MORC1: variants seen among roughly 807,000 people sequenced by gnomAD.
MORC1 encodes MORC family CW-type zinc finger 1.
Under a neutral mutation model 134.9 loss-of-function variants are expected in MORC1, and 59 were observed. That is an observed-to-expected ratio of 0.44 (90% CI 0.35 to 0.54). MORC1 has a LOEUF of 0.54. Ranked by LOEUF, MORC1 falls within the 20% of genes least tolerant of loss-of-function variation. The pLI, the probability that MORC1 is intolerant of heterozygous loss-of-function variation, is 0.00. For missense variants in MORC1, 947 were observed against 1,134.5 expected (o/e 0.83, Z 2.37); for synonymous variants, 395 against 391.7 (o/e 1.01, Z -0.10).
intron 24 of MORC1, 101 bp downstream of exon 24, chr3:108,979,414 T>A: frequency 8.0e-7 from 1 of 1,242,894 alleles, no homozygotes. Context: ...TCTACTGAAT[T>A]TATTCAGTAT....
At chr3:109,116,198 CG>C (rs1298916566) in intron 1 of MORC1, among the ~76,000 whole-genome samples, 5 of 151,958 alleles carry the variant, frequency 3.3e-5, no homozygotes, top group Non-Finnish European at 7.4e-5. Context: ...AGAAAAGGGG[CG>C]TAAGTTGGTT....
chr3:109,047,999 A>G (rs1949735097), intron 14 of MORC1, among the ~76,000 whole-genome samples: 1 of 152,210 alleles, frequency 6.6e-6, no homozygotes, highest in Non-Finnish European at 1.5e-5. Flanking sequence ...ATCTTGACAA[A>G]AAGCCACATC....
intron 2 of MORC1, among the ~76,000 whole-genome samples, chr3:109,111,895 CCT>C (rs1951175401): frequency 1.3e-5 from 2 of 152,176 alleles, no homozygotes; most frequent in African/African-American, 4.8e-5. Flanking sequence ...CTCAGCCCTC[CCT>C]ATATAGACAC....
intron 9 of MORC1, among the ~76,000 whole-genome samples, chr3:109,067,933 T>C (rs1950235446): frequency 6.6e-6 from 1 of 152,114 alleles, no homozygotes; most frequent in African/African-American, 2.4e-5. Context: ...TAAGACAAGA[T>C]GACAAATGCA....
intron 17 of MORC1, among the ~76,000 whole-genome samples, chr3:109,015,195 G>A (rs1378558392): frequency 6.6e-6 from 1 of 152,004 alleles, no homozygotes; most frequent in Non-Finnish European, 1.5e-5. Flanking sequence ...CAAATGAAAC[G>A]TTTTAAGGTA....
intron 21 of MORC1, among the ~76,000 whole-genome samples, chr3:108,991,543 A>G (rs1385944143): frequency 1.3e-5 from 2 of 152,156 alleles, no homozygotes; most frequent in African/African-American, 4.8e-5. Context: ...ATAGCCTTCT[A>G]TGTCTCAACT....
At chr3:109,031,939 G>T (rs1026464616) in intron 16 of MORC1, among the ~76,000 whole-genome samples, 3 of 152,126 alleles carry the variant, frequency 2.0e-5, no homozygotes, top group African/African-American at 7.2e-5. Flanking sequence ...TTTTTCTTCA[G>T]TCTCTAAATA....
At chr3:109,077,053 A>G (rs1950437611) in intron 8 of MORC1, among the ~76,000 whole-genome samples, 1 of 152,272 alleles carries the variant, frequency 6.6e-6, no homozygotes. Context: ...TAATTTGGTA[A>G]TCACATTTCT....
chr3:109,004,748 TTAAAGA>T, intron 20 of MORC1, 63 bp downstream of exon 20: 1 of 1,436,806 alleles, frequency 7.0e-7, no homozygotes, highest in Non-Finnish European at 9.6e-7. Context: ...AATGCAAAAC[TTAAAGA>T]TTAAAGGTTT....
At chr3:109,117,331 C>CAAA (rs202128565) in intron 1 of MORC1, among the ~76,000 whole-genome samples, 11 of 113,644 alleles carry the variant, frequency 9.7e-5, no homozygotes, top group African/African-American at 3.4e-4. Context: ...CAAAAGATGT[C>CAAA]AAAAAAAAAA....
intron 24 of MORC1, among the ~76,000 whole-genome samples, chr3:108,973,891 C>A (rs1365687124): frequency 6.6e-6 from 1 of 152,208 alleles, no homozygotes; most frequent in East Asian, 1.9e-4. Context: ...CCACCGCACC[C>A]GGCCAATCCA....
chr3:109,034,606 T>C (rs1448752669), intron 15 of MORC1, among the ~76,000 whole-genome samples: 1 of 152,194 alleles, frequency 6.6e-6, no homozygotes, highest in Non-Finnish European at 1.5e-5. Flanking sequence ...ATTCCTACTA[T>C]GTATTAAATA....
intron 26 of MORC1, among the ~76,000 whole-genome samples, chr3:108,967,492 G>A (rs575313109): frequency 1.3e-5 from 2 of 152,208 alleles, no homozygotes; most frequent in South Asian, 2.1e-4. Context: ...GGGCCAATAC[G>A]CCAACCCATC....
chr3:109,053,892 A>C (rs1374335852), intron 14 of MORC1, among the ~76,000 whole-genome samples: 1 of 152,228 alleles, frequency 6.6e-6, no homozygotes. Context: ...ACTAAAGTTT[A>C]TCTTTTTAAG....
chr3:108,959,890 A>C (rs1354892923), intron 27 of MORC1, among the ~76,000 whole-genome samples: 1 of 152,212 alleles, frequency 6.6e-6, no homozygotes, highest in Non-Finnish European at 1.5e-5. Context: ...TGAAGCAAGA[A>C]CATACATCAA....
At chr3:109,042,307 G>C (rs966394567) in intron 14 of MORC1, among the ~76,000 whole-genome samples, 7 of 152,144 alleles carry the variant, frequency 4.6e-5, no homozygotes, top group Non-Finnish European at 1.0e-4. Flanking sequence ...AGACATATAA[G>C]TGGCCAACAC....
At chr3:109,005,998 T>A (rs1447765626) in intron 18 of MORC1, among the ~76,000 whole-genome samples, 1 of 152,206 alleles carries the variant, frequency 6.6e-6, no homozygotes, top group Non-Finnish European at 1.5e-5. Flanking sequence ...TGTATACTAG[T>A]TTGTTCATGG....
intron 15 of MORC1, among the ~76,000 whole-genome samples, chr3:109,034,131 T>C (rs1018706178): frequency 3.3e-5 from 5 of 152,152 alleles, no homozygotes; most frequent in African/African-American, 1.2e-4. Context: ...GGATCCTAGA[T>C]TACAACAATA....
chr3:108,978,109 C>T (rs998351000), intron 24 of MORC1, among the ~76,000 whole-genome samples: 5 of 152,038 alleles, frequency 3.3e-5, no homozygotes, highest in Admixed American at 2.0e-4. Flanking sequence ...GATCTCCTGA[C>T]CTCATGATCC....
Sources: gnomAD v4.1 joint callset for allele counts (sites outside exome capture counted in the v4.1 genomes callset) on GRCh38, gnomAD v4.1.1 for gene constraint, MANE v1.5 for transcripts, NCBI Gene and HGNC (gene_info 2026-07-23, HGNC 2026-07-21) for gene names.